Variants in MAF observed in about 807,000 individuals in gnomAD.
The protein encoded by MAF is MAF bZIP transcription factor.
In MAF, 10 loss-of-function variants were observed where a neutral mutation model predicts 22.0. The observed-to-expected ratio is 0.45, with a 90% CI of 0.28 to 0.77. The LOEUF (loss-of-function observed/expected upper bound fraction) is 0.77. MAF is among the 30% of genes least tolerant of loss of function. The pLI is 0.12. For synonymous variants in MAF, 337 were observed against 255.8 expected (o/e 1.32, Z -3.03); for missense variants, 544 against 548.4 (o/e 0.99, Z 0.08).
the MAF span, among the ~76,000 whole-genome samples, chr16:79,527,866 G>C: frequency 6.6e-6 from 1 of 152,094 alleles, no homozygotes; most frequent in Non-Finnish European, 1.5e-5. Flanking sequence ...GAGTGGCTTG[G>C]CATGGTGGCT....
chr16:79,207,548 C>A, the MAF span, among the ~76,000 whole-genome samples: 1 of 152,208 alleles, frequency 6.6e-6, no homozygotes, highest in Non-Finnish European at 1.5e-5. Context: ...TGTAAGAAAG[C>A]AATCTTAGAA....
chr16:79,275,306 A>T, the MAF span, among the ~76,000 whole-genome samples: 7 of 152,344 alleles, frequency 4.6e-5, 1 homozygote, highest in Admixed American at 6.5e-5. Flanking sequence ...AGATTTTGCC[A>T]TTGCACTCCA....
At chr16:79,281,477 G>C in the MAF span, among the ~76,000 whole-genome samples, 1 of 151,322 alleles carries the variant, frequency 6.6e-6, no homozygotes, top group African/African-American at 2.4e-5. Flanking sequence ...CTGAAAAAAG[G>C]TTTGTAATTC....
At chr16:79,365,859 C>T in the MAF span, among the ~76,000 whole-genome samples, 1 of 152,222 alleles carries the variant, frequency 6.6e-6, no homozygotes, top group South Asian at 2.1e-4. Flanking sequence ...AATGTTAAGA[C>T]AATGTGTTTC....
the MAF span, among the ~76,000 whole-genome samples, chr16:79,215,447 G>C: frequency 6.6e-6 from 1 of 152,176 alleles, no homozygotes; most frequent in Non-Finnish European, 1.5e-5. Flanking sequence ...TGGTGGAAGT[G>C]AAAGTAAAGC....
At chr16:79,507,069 T>TAG in the MAF span, among the ~76,000 whole-genome samples, 12 of 152,108 alleles carry the variant, frequency 7.9e-5, 1 homozygote, top group South Asian at 4.1e-4. Context: ...TGTGTACCAC[T>TAG]AGTGTTATTT....
At chr16:79,439,939 T>C in the MAF span, among the ~76,000 whole-genome samples, 1 of 152,202 alleles carries the variant, frequency 6.6e-6, no homozygotes, top group Non-Finnish European at 1.5e-5. Flanking sequence ...GATTTGCTTT[T>C]CTTTGTTTTG....
chr16:79,317,388 C>T, the MAF span, among the ~76,000 whole-genome samples: 1 of 143,584 alleles, frequency 7.0e-6, no homozygotes, highest in Non-Finnish European at 1.5e-5. Context: ...TCCTTCCTCT[C>T]TCCCTCTTTC....
chr16:79,226,708 G>A, the MAF span, among the ~76,000 whole-genome samples: 3 of 152,064 alleles, frequency 2.0e-5, no homozygotes, highest in Non-Finnish European at 4.4e-5. Context: ...TAGAGGACAT[G>A]TGGATGACAT....
chr16:79,573,032 A>T, the MAF span, among the ~76,000 whole-genome samples: 68 of 152,288 alleles, frequency 4.5e-4, no homozygotes, highest in South Asian at 8.3e-4. Context: ...GGAAGGTTGA[A>T]CATTGTTTCA....
the MAF span, among the ~76,000 whole-genome samples, chr16:79,280,759 T>C: frequency 2.0e-5 from 3 of 152,202 alleles, no homozygotes; most frequent in Non-Finnish European, 4.4e-5. Context: ...GCTCCTATCC[T>C]GGCTTCCCTG....
chr16:79,438,582 G>C, the MAF span, among the ~76,000 whole-genome samples: 1 of 152,100 alleles, frequency 6.6e-6, no homozygotes, highest in Admixed American at 6.5e-5. Flanking sequence ...GGAACCTCGA[G>C]GACAGGATTG....
At chr16:79,529,377 GCAAA>G in the MAF span, among the ~76,000 whole-genome samples, 3 of 152,130 alleles carry the variant, frequency 2.0e-5, no homozygotes, top group African/African-American at 7.2e-5. Flanking sequence ...TAATAAACAA[GCAAA>G]CAAACAGAAA....
At chr16:79,322,358 A>G in the MAF span, among the ~76,000 whole-genome samples, 1 of 152,130 alleles carries the variant, frequency 6.6e-6, no homozygotes, top group Non-Finnish European at 1.5e-5. Context: ...TAGGAGACAA[A>G]GTGTTAAGTG....
At chr16:79,211,805 C>T in the MAF span, 1 of 1,614,068 alleles carries the variant, frequency 6.2e-7, no homozygotes, top group South Asian at 1.1e-5. Context: ...AAGTGGAGCT[C>T]AGAGCGGATG....
the MAF span, among the ~76,000 whole-genome samples, chr16:79,501,589 A>C: frequency 6.6e-6 from 1 of 152,152 alleles, no homozygotes; most frequent in East Asian, 1.9e-4. Context: ...TTACTACACA[A>C]ATCTCACAGA....
chr16:79,468,645 T>C, the MAF span, among the ~76,000 whole-genome samples: 1 of 152,128 alleles, frequency 6.6e-6, no homozygotes, highest in African/African-American at 2.4e-5. Context: ...GGTGTTGGCA[T>C]TGAGGGGCAG....
At chr16:79,302,507 A>C in the MAF span, among the ~76,000 whole-genome samples, 2 of 152,146 alleles carry the variant, frequency 1.3e-5, no homozygotes, top group African/African-American at 4.8e-5. Context: ...TTCACCTTCA[A>C]ATCAAGTTGC....
the MAF span, among the ~76,000 whole-genome samples, chr16:79,424,582 A>G: frequency 2.0e-5 from 3 of 152,160 alleles, no homozygotes; most frequent in Non-Finnish European, 1.5e-5. Flanking sequence ...GGAAATTTAA[A>G]TGTTTCCATG....
Sources: allele counts gnomAD v4.1 joint callset (sites outside exome capture counted in the v4.1 genomes callset), GRCh38; gene constraint gnomAD v4.1.1; transcripts MANE v1.5; gene names NCBI Gene and HGNC (gene_info 2026-07-23, HGNC 2026-07-21).